ZNG1C: variants seen among roughly 807,000 people sequenced by gnomAD.
The protein encoded by ZNG1C is zinc-regulated GTPase metalloprotein activator 1C.
the ZNG1C span, among the ~76,000 whole-genome samples, chr9:68,266,889 G>A: frequency 6.6e-6 from 1 of 152,232 alleles, no homozygotes; most frequent in East Asian, 1.9e-4. Context: ...TTTGTCCATA[G>A]CCAAGGCTGA....
the ZNG1C span, chr9:68,272,305 CATT>C: frequency 8.0e-6 from 1 of 125,288 alleles, no homozygotes; most frequent in Non-Finnish European, 1.7e-5. Context: ...TTAAGAAAAA[CATT>C]AGGTACTTCT....
At chr9:68,267,221 G>T in the ZNG1C span, among the ~76,000 whole-genome samples, 1 of 152,250 alleles carries the variant, frequency 6.6e-6, no homozygotes, top group African/African-American at 2.4e-5. Context: ...AGTTCATATA[G>T]TATATATTAT....
chr9:68,281,146 C>T, the ZNG1C span, among the ~76,000 whole-genome samples: 9 of 150,412 alleles, frequency 6.0e-5, no homozygotes, highest in Admixed American at 1.3e-4. Context: ...AGGGAACTCC[C>T]TGACCCCCTG....
At chr9:68,281,915 A>G in the ZNG1C span, among the ~76,000 whole-genome samples, 1 of 152,308 alleles carries the variant, frequency 6.6e-6, no homozygotes, top group Non-Finnish European at 1.5e-5. Flanking sequence ...CAGCTTGGCT[A>G]TTGCAAATAA....
chr9:68,279,523 C>A, the ZNG1C span, among the ~76,000 whole-genome samples: 6 of 140,856 alleles, frequency 4.3e-5, no homozygotes, highest in Admixed American at 7.2e-5. Flanking sequence ...AATCTCTCAG[C>A]ATTTGCTTGT....
the ZNG1C span, among the ~76,000 whole-genome samples, chr9:68,265,107 G>A: frequency 7.1e-6 from 1 of 140,050 alleles, no homozygotes; most frequent in Non-Finnish European, 1.5e-5. Flanking sequence ...GGCCAGGCTG[G>A]TCTCGAGCTC....
At chr9:68,244,641 G>T in the ZNG1C span, among the ~76,000 whole-genome samples, 5 of 136,400 alleles carry the variant, frequency 3.7e-5, no homozygotes, top group Non-Finnish European at 7.8e-5. Context: ...ACAATACTAT[G>T]CAGTTAGGAT....
At chr9:68,247,599 G>A in the ZNG1C span, 107,287 of 1,489,440 alleles carry the variant, frequency 0.072, 4,010 homozygotes, top group Non-Finnish European at 0.078. Flanking sequence ...AGTGCTGTTT[G>A]TTATTTATTC....
chr9:68,291,987 G>A, the ZNG1C span, among the ~76,000 whole-genome samples: 1 of 150,600 alleles, frequency 6.6e-6, no homozygotes, highest in East Asian at 2.0e-4. Context: ...GAGACCCACA[G>A]ATGGTTCACA....
chr9:68,245,865 C>A, the ZNG1C span, among the ~76,000 whole-genome samples: 1 of 141,496 alleles, frequency 7.1e-6, no homozygotes, highest in African/African-American at 2.7e-5. Context: ...CCCAAAGTTG[C>A]TGGGATTACA....
the ZNG1C span, among the ~76,000 whole-genome samples, chr9:68,244,772 A>G: frequency 7.2e-6 from 1 of 138,018 alleles, no homozygotes; most frequent in African/African-American, 2.8e-5. Context: ...AGCTTTATGA[A>G]TTTATCTTAA....
the ZNG1C span, among the ~76,000 whole-genome samples, chr9:68,255,164 T>G: frequency 1.8e-5 from 2 of 110,202 alleles, no homozygotes; most frequent in African/African-American, 7.2e-5. Flanking sequence ...TGTTTTATTT[T>G]TTATTTTTAT....
At chr9:68,268,151 CATT>C in the ZNG1C span, among the ~76,000 whole-genome samples, 1 of 122,764 alleles carries the variant, frequency 8.1e-6, no homozygotes. Context: ...GCCTCAGAAT[CATT>C]ATATGTGGGA....
chr9:68,275,406 T>C, the ZNG1C span, among the ~76,000 whole-genome samples: 1 of 150,636 alleles, frequency 6.6e-6, no homozygotes, highest in Non-Finnish European at 1.5e-5. Flanking sequence ...ACATGTGCCA[T>C]GCTGGTGTGC....
At chr9:68,247,747 A>C in the ZNG1C span, 1 of 557,046 alleles carries the variant, frequency 1.8e-6, no homozygotes, top group South Asian at 2.2e-5. Context: ...GTTTACTAGA[A>C]ATGTTTATTG....
chr9:68,276,080 T>C, the ZNG1C span, among the ~76,000 whole-genome samples: 1 of 151,960 alleles, frequency 6.6e-6, no homozygotes, highest in Non-Finnish European at 1.5e-5. Flanking sequence ...TTTCACGTGT[T>C]TTTTGGTGGC....
the ZNG1C span, among the ~76,000 whole-genome samples, chr9:68,296,483 G>A: frequency 6.6e-6 from 1 of 152,232 alleles, no homozygotes; most frequent in Admixed American, 6.5e-5. Context: ...ATATGTTTCT[G>A]CCTAAATTGG....
At chr9:68,294,063 C>T in the ZNG1C span, among the ~76,000 whole-genome samples, 1 of 151,918 alleles carries the variant, frequency 6.6e-6, no homozygotes, top group South Asian at 2.1e-4. Context: ...CATGGAATAA[C>T]CTGCTCCTGG....
chr9:68,248,754 A>C, the ZNG1C span: 1 of 228,658 alleles, frequency 4.4e-6, no homozygotes, highest in Non-Finnish European at 7.8e-6. Context: ...TATAATAATC[A>C]CTTCAAAATA....
Sources: gnomAD v4.1 joint callset for allele counts (sites outside exome capture counted in the v4.1 genomes callset) on GRCh38, gnomAD v4.1.1 for gene constraint, MANE v1.5 for transcripts, NCBI Gene and HGNC (gene_info 2026-07-23, HGNC 2026-07-21) for gene names.